The following NR5A2 variants were observed in gnomAD, a reference collection of about 807,000 sequenced individuals.
NR5A2 encodes CYP7A promoter-binding factor.
Under a neutral mutation model 62.7 loss-of-function variants are expected in NR5A2, and 26 were observed. That is an observed-to-expected ratio of 0.41 (90% CI 0.30 to 0.58). The LOEUF is 0.58. Among genes scored for constraint, NR5A2 ranks in the 20% least tolerant of loss-of-function variants. The probability of loss-of-function intolerance (pLI) is 0.22; values close to 1 mark genes in which losing one functional copy is unlikely to be tolerated. For missense variants in NR5A2, 541 were observed against 669.1 expected, an observed-to-expected ratio of 0.81 and a Z score of 2.11; for synonymous variants, 246 against 241.7, an observed-to-expected ratio of 1.02 and a Z score of -0.16.
chr1:200,063,588 A>C (rs889800535), intron 5 of NR5A2, among the ~76,000 whole-genome samples: 2 of 152,308 alleles, frequency 1.3e-5, no homozygotes, highest in Middle Eastern at 6.8e-3. Flanking sequence ...AGTAAAAATA[A>C]CTTCATTTCA....
At chr1:200,028,973 A>G (rs906525375) in intron 1 of NR5A2, 1 of 397,014 alleles carries the variant, frequency 2.5e-6, no homozygotes, top group Non-Finnish European at 5.0e-6. Flanking sequence ...TTCTATACTT[A>G]CGAAAAAGAA....
At position 200,147,729 on chromosome 1, in the gene NR5A2, T is replaced by C; in HGVS notation, c.1379-26234T>C. 1 of 602,464 alleles carries C rather than the reference T, an allele frequency of 1.7e-6. No homozygotes were observed. The highest frequency in any genetic ancestry group is 3.4e-5 in the East Asian group (1 of 29,114). The allele number at this position is 602,464 out of a possible 1,614,324, so 37.3% of individuals were successfully genotyped here. A position where few individuals can be genotyped will look rare whatever the true frequency, so the allele number is the denominator to read the frequency against. ...CCTCCAGCTCCTCCCTGAGCGCCTCTCCCACGTCCACGGTGAAGACGCGGA... is the reference window on the plus strand; with the variant it reads ...CCTCCAGCTCCTCCCTGAGCGCCTCCCCCACGTCCACGGTGAAGACGCGGA... On this transcript the variant is annotated intron_variant, in intron 7 of 7. Transcript: ENST00000367362. This position sits in a 1 kb window ranked among gnomAD's most constrained non-coding sequence, Gnocchi z 4.9.
intron 5 of NR5A2, among the ~76,000 whole-genome samples, chr1:200,106,332 C>G (rs1461439219): frequency 5.9e-5 from 9 of 152,192 alleles, no homozygotes; most frequent in African/African-American, 1.9e-4. Flanking sequence ...GCTGGGATTA[C>G]AGGCGTGAGC....
chr1:200,114,740 C>G (rs975601579), intron 6 of NR5A2, among the ~76,000 whole-genome samples: 4 of 152,126 alleles, frequency 2.6e-5, no homozygotes, highest in Non-Finnish European at 5.9e-5. Context: ...GACTATTATC[C>G]CTCTTTGGCA....
chr1:200,060,644 C>T (rs1047371174), intron 5 of NR5A2, among the ~76,000 whole-genome samples: 1 of 152,190 alleles, frequency 6.6e-6, no homozygotes, highest in Non-Finnish European at 1.5e-5. Context: ...AGTCTTTTAA[C>T]CATGTATCCA....
At chr1:200,092,993 C>T (rs1664892185) in intron 5 of NR5A2, among the ~76,000 whole-genome samples, 1 of 149,994 alleles carries the variant, frequency 6.7e-6, no homozygotes, top group Non-Finnish European at 1.5e-5. Context: ...AAGCGATTCT[C>T]CTGCCTCAGC....
At chr1:200,045,725 T>A in intron 4 of NR5A2, 141 bp downstream of exon 4, 1 of 616,440 alleles carries the variant, frequency 1.6e-6, no homozygotes, top group Non-Finnish European at 2.6e-6. Context: ...TTTCTATGTT[T>A]CATCTGCAGA....
intron 7 of NR5A2, among the ~76,000 whole-genome samples, chr1:200,169,913 G>A (rs927168783): frequency 6.6e-6 from 1 of 152,168 alleles, no homozygotes; most frequent in Non-Finnish European, 1.5e-5. Flanking sequence ...TTGCAATCCA[G>A]CCTAAAATGC....
intron 5 of NR5A2, among the ~76,000 whole-genome samples, chr1:200,105,199 ATCC>A (rs1665589874): frequency 6.6e-6 from 1 of 152,054 alleles, no homozygotes; most frequent in South Asian, 2.1e-4. Context: ...GATGCAAGTG[ATCC>A]TCCTATCTCA....
chr1:200,061,024 G>A (rs945085189), intron 5 of NR5A2, among the ~76,000 whole-genome samples: 1 of 149,786 alleles, frequency 6.7e-6, no homozygotes, highest in Non-Finnish European at 1.5e-5. Context: ...GGAGGCTGAG[G>A]CAGGATAATT....
At position 200,084,962 on chromosome 1, in the gene NR5A2, G is replaced by A. The variant is rs550584847; in HGVS notation, c.1111-26240G>A. Reference sequence around the variant, plus strand: ...CATAGTGCCGCATTGTGAGCCGTTTGTACCGGATCTGATTCTTCCAGATTA... The same window carrying A: ...CATAGTGCCGCATTGTGAGCCGTTTATACCGGATCTGATTCTTCCAGATTA... On this transcript the variant is annotated intron_variant, in intron 5 of 7. Coordinates refer to ENST00000367362, the MANE Select transcript of NR5A2 (RefSeq NM_205860.3). 3.3e-5 allele frequency among the ~76,000 whole-genome samples: 5 copies of A among 152,302 alleles called. No homozygotes were observed. The East Asian group carries it at 9.7e-4, about 29-fold the overall frequency.
At chr1:200,135,159 G>T (rs1438120573) in intron 7 of NR5A2, among the ~76,000 whole-genome samples, 1 of 152,150 alleles carries the variant, frequency 6.6e-6, no homozygotes, top group Admixed American at 6.5e-5. Context: ...TCCAAGCCAG[G>T]GCCACTGATT....
intron 7 of NR5A2, among the ~76,000 whole-genome samples, chr1:200,148,605 A>G (rs1667833997): frequency 6.6e-6 from 1 of 152,248 alleles, no homozygotes; most frequent in Non-Finnish European, 1.5e-5. Context: ...TATGTAGGGG[A>G]AAATTAGTCA....
intron 7 of NR5A2, among the ~76,000 whole-genome samples, chr1:200,145,291 CAG>C (rs1169802132): frequency 2.0e-5 from 3 of 152,112 alleles, no homozygotes; most frequent in Non-Finnish European, 2.9e-5. Flanking sequence ...GCCTAGGTGA[CAG>C]AGCAGGACTG....
chr1:200,134,256 AGTC>A (rs1441353313), intron 7 of NR5A2, among the ~76,000 whole-genome samples: 5 of 152,234 alleles, frequency 3.3e-5, no homozygotes, highest in Non-Finnish European at 7.3e-5. Flanking sequence ...AGTCTGCAGT[AGTC>A]TACAGGAATG....
chr1:200,079,381 C>G (rs141034400), intron 5 of NR5A2, among the ~76,000 whole-genome samples: 1 of 152,172 alleles, frequency 6.6e-6, no homozygotes, highest in East Asian at 1.9e-4. Context: ...TTCACAGGCC[C>G]GCTGCTTTAC....
intron 5 of NR5A2, among the ~76,000 whole-genome samples, chr1:200,087,071 T>C (rs1317325995): frequency 6.6e-6 from 1 of 152,082 alleles, no homozygotes; most frequent in Non-Finnish European, 1.5e-5. Context: ...CAATATCGGG[T>C]AGACAAATTT....
At chr1:200,163,924 G>A (rs1052154573) in intron 7 of NR5A2, among the ~76,000 whole-genome samples, 2 of 152,136 alleles carry the variant, frequency 1.3e-5, no homozygotes, top group African/African-American at 4.8e-5. Flanking sequence ...ATGTCGAACT[G>A]TAATCCCCAA....
chr1:200,160,144 C>T (rs1653578005), intron 7 of NR5A2, among the ~76,000 whole-genome samples: 2 of 152,318 alleles, frequency 1.3e-5, no homozygotes, highest in Non-Finnish European at 2.9e-5. Context: ...AGCCTAGAAA[C>T]AGGAAGCTGC....
Sources: gnomAD v4.1 joint callset for allele counts (sites outside exome capture counted in the v4.1 genomes callset) on GRCh38, gnomAD v4.1.1 for gene constraint, Gnocchi (gnomAD v3.1) non-coding constraint, MANE v1.5 for transcripts, NCBI Gene and HGNC (gene_info 2026-07-23, HGNC 2026-07-21) for gene names.